Variants in DOCK4 observed in about 807,000 individuals in gnomAD.
DOCK4 encodes the protein dedicator of cytokinesis protein 4.
DOCK4 carries 97 observed loss-of-function variants against 268.1 expected under a neutral mutation model. That is an observed-to-expected ratio of 0.36 (90% CI 0.31 to 0.43). The LOEUF is 0.43. Ranked by LOEUF, DOCK4 falls within the 20% of genes least tolerant of loss-of-function variation. DOCK4 has a pLI of 1.00. For synonymous variants in DOCK4, 954 were observed against 887.2 expected (o/e 1.08, Z -1.34); for missense variants, 2,145 against 2,455.7 (o/e 0.87, Z 2.67).
At chr7:112,199,290 T>C (rs1820723476) in intron 1 of DOCK4, among the ~76,000 whole-genome samples, 1 of 152,192 alleles carries the variant, frequency 6.6e-6, no homozygotes, top group African/African-American at 2.4e-5. Flanking sequence ...AGAACTGTGC[T>C]TGACATGTAG....
chr7:111,859,868 T>C (rs1805357706), intron 23 of DOCK4, among the ~76,000 whole-genome samples: 1 of 152,102 alleles, frequency 6.6e-6, no homozygotes, highest in South Asian at 2.1e-4. Context: ...CGCCCGGCCG[T>C]GTGTTAATTT....
chr7:112,163,911 A>C (rs1231776382), intron 1 of DOCK4, among the ~76,000 whole-genome samples: 2 of 152,274 alleles, frequency 1.3e-5, no homozygotes, highest in East Asian at 3.9e-4. Context: ...CCATCCTTTC[A>C]TCCAAGTGTT....
intron 1 of DOCK4, among the ~76,000 whole-genome samples, chr7:112,165,561 C>CGT (rs1205055455): frequency 2.6e-4 from 19 of 71,994 alleles, no homozygotes; most frequent in South Asian, 4.5e-4. Context: ...TGTGTGTGTG[C>CGT]GTGTGTGTGT....
In DOCK4 at chr7:112,164,022, C is replaced by T. The variant is rs115178401; in HGVS notation, c.37+42080G>A. 4.2e-3 allele frequency among the ~76,000 whole-genome samples: 633 copies of T among 152,142 alleles called. 8 individuals carry two copies. The highest frequency in any genetic ancestry group is 0.014 in the African/African-American group (601 of 41,488). ...TCTTGGCCAGGCCCAGAGGCTCATGCGTATAATCCCCAACACTTTGGAAGG... is the reference window on the plus strand; with the variant it reads ...TCTTGGCCAGGCCCAGAGGCTCATGTGTATAATCCCCAACACTTTGGAAGG... On this transcript the variant is annotated intron_variant, in intron 1 of 52. Coordinates refer to ENST00000428084, the MANE Select transcript of DOCK4 (RefSeq NM_001363540.2).
chr7:112,151,127 G>A (rs557546803), intron 1 of DOCK4, among the ~76,000 whole-genome samples: 3 of 152,268 alleles, frequency 2.0e-5, no homozygotes, highest in Admixed American at 6.5e-5. Flanking sequence ...GAGATATGAT[G>A]TAATACACAG....
In DOCK4 at chr7:111,945,707, A is replaced by G. The variant is rs778597379; in HGVS notation, c.783+10T>C. On this transcript the variant is annotated intron_variant, in intron 9 of 52. Coordinates refer to ENST00000428084, the MANE Select transcript of DOCK4 (RefSeq NM_001363540.2). The stretch of plus-strand genomic sequence containing the variant: ...GAATCTGCCTTATGAATGAAACAAG[A>G]TCCACTCACCACAAAGAGGGAGCAA... 3 of 1,586,020 alleles carry G rather than the reference A, an allele frequency of 1.9e-6. 1 individual carries two copies. The highest frequency in any genetic ancestry group is 2.3e-5 in the South Asian group (2 of 86,402).
rs77894037 is a variant in DOCK4 at position 112,059,632 on chromosome 7, T to C, written c.38-55501A>G. On this transcript the variant is annotated intron_variant, in intron 1 of 52. Coordinates refer to ENST00000428084, the MANE Select transcript of DOCK4 (RefSeq NM_001363540.2). ...ATCAGAGAATTTTAGATATCCAACA[T>C]TGTTTCCTCAAAGAACTCTCTCCAG... Among the ~76,000 whole-genome samples, 58 of 152,298 alleles carry C rather than the reference T, an allele frequency of 3.8e-4. No homozygotes were observed. The East Asian group carries it at 0.01, about 26-fold the overall frequency.
chr7:112,122,114 C>T lies in DOCK4; in HGVS notation c.37+83988G>A, dbSNP rs1386871605. Among the ~76,000 whole-genome samples, 5 of 152,224 alleles carry T rather than the reference C, an allele frequency of 3.3e-5. No homozygotes were observed. The East Asian group carries it at 5.8e-4, about 18-fold the overall frequency. ...TTCTCATTTGCCATTGCTAATAGAT[C>T]TTACCCTGTCTTTTTATTTTTAATT... On this transcript the variant is annotated intron_variant, in intron 1 of 52. Coordinates refer to ENST00000428084, the MANE Select transcript of DOCK4 (RefSeq NM_001363540.2).
intron 4 of DOCK4, among the ~76,000 whole-genome samples, chr7:111,995,192 C>T (rs138399531): frequency 1.5e-3 from 221 of 151,932 alleles, no homozygotes; most frequent in African/African-American, 4.7e-3. Context: ...CAACCACGCC[C>T]GGCTAATTTT....
intron 8 of DOCK4, among the ~76,000 whole-genome samples, chr7:111,955,969 T>C (rs1266538477): frequency 2.0e-5 from 3 of 152,116 alleles, no homozygotes; most frequent in Non-Finnish European, 4.4e-5. Context: ...GGAGAACTCA[T>C]TAAGAATTTC....
intron 8 of DOCK4, among the ~76,000 whole-genome samples, chr7:111,967,307 C>A (rs62474279): frequency 6.2e-4 from 12 of 19,464 alleles, no homozygotes; most frequent in Non-Finnish European, 8.5e-4. Context: ...ATCTAGAAAA[C>A]CCCATCGTCT....
At chr7:111,892,658 C>G (rs1323335853) in intron 16 of DOCK4, among the ~76,000 whole-genome samples, 1 of 152,226 alleles carries the variant, frequency 6.6e-6, no homozygotes, top group Admixed American at 6.5e-5. Flanking sequence ...AAATACACTT[C>G]TCTCTCCACG....
chr7:111,785,017 G>A (rs1799067073), intron 32 of DOCK4, among the ~76,000 whole-genome samples: 3 of 152,092 alleles, frequency 2.0e-5, no homozygotes, highest in African/African-American at 7.2e-5. Context: ...CTTGTCTGTG[G>A]CTATGTTCTC....
At chr7:112,128,519 G>C (rs34230619) in intron 1 of DOCK4, among the ~76,000 whole-genome samples, 75 of 152,342 alleles carry the variant, frequency 4.9e-4, no homozygotes, top group African/African-American at 1.7e-3. Flanking sequence ...GATGGTTGCC[G>C]TGTCTGTGTA....
chr7:111,825,147 A>G (rs1802297594), intron 26 of DOCK4, among the ~76,000 whole-genome samples: 1 of 152,166 alleles, frequency 6.6e-6, no homozygotes, highest in South Asian at 2.1e-4. Flanking sequence ...ATTAAAAAAA[A>G]TCAGTATGAT....
intron 1 of DOCK4, among the ~76,000 whole-genome samples, chr7:112,193,087 A>T (rs1820120378): frequency 6.6e-6 from 1 of 152,188 alleles, no homozygotes; most frequent in African/African-American, 2.4e-5. Context: ...TCTACTTTTT[A>T]AAAATGCTAA....
chr7:111,738,939 G>GA lies in DOCK4; in HGVS notation c.5232+194dup, dbSNP rs199522008. On this transcript the variant is annotated intron_variant, in intron 49 of 52. Coordinates refer to ENST00000428084, the MANE Select transcript of DOCK4 (RefSeq NM_001363540.2). Reference sequence around the variant, plus strand: ...GGTGACAGCGAGATCCTGTCTCAAAGAAAAAAAAAAAAAGATGGCTCAGGC... The same window carrying GA: ...GGTGACAGCGAGATCCTGTCTCAAAGAAAAAAAAAAAAAAGATGGCTCAGGC... 2.2e-3 allele frequency among the ~76,000 whole-genome samples: 300 copies of GA among 136,770 alleles called. 1 individual carries two copies. Among genetic ancestry groups the GA allele is most frequent in the African/African-American group, 5.1e-3 (189 of 37,174 alleles). The allele number at this position is 136,770 out of a possible 152,430, so 89.7% of individuals were successfully genotyped here.
chr7:111,957,181 G>T (rs1210311939), intron 8 of DOCK4, among the ~76,000 whole-genome samples: 1 of 152,090 alleles, frequency 6.6e-6, no homozygotes, highest in African/African-American at 2.4e-5. Flanking sequence ...TACTGAAAAA[G>T]TTAGGAACCA....
chr7:111,903,487 C>T lies in DOCK4; in HGVS notation c.1193-1686G>A, dbSNP rs575429399. On this transcript the variant is annotated intron_variant, in intron 13 of 52. Transcript: ENST00000428084. The stretch of plus-strand genomic sequence containing the variant: ...ACACTTTAAAAATTATATTTGTGTG[C>T]TTTGAAAGTTTTCTGTTTTAACTAT... Among the ~76,000 whole-genome samples the T allele has an allele frequency of 2.0e-5, 3 of 152,272 alleles. 1 individual carries two copies. Among genetic ancestry groups the T allele is most frequent in the Admixed American group, 2.0e-4 (3 of 15,298 alleles).
Sources: allele counts gnomAD v4.1 joint callset (sites outside exome capture counted in the v4.1 genomes callset), GRCh38; gene constraint gnomAD v4.1.1; transcripts MANE v1.5; gene names NCBI Gene and HGNC (gene_info 2026-07-23, HGNC 2026-07-21).